SMPD4: variants seen among roughly 807,000 people sequenced by gnomAD.
SMPD4 encodes the protein neutral sphingomyelinase 3.
In SMPD4, 58 loss-of-function variants were observed where a neutral mutation model predicts 97.8. The ratio of observed to expected loss-of-function variants is 0.59; its 90% CI spans 0.48 to 0.74. SMPD4 has a LOEUF of 0.74. Ranked by LOEUF, SMPD4 falls within the 30% of genes least tolerant of loss-of-function variation. SMPD4 has a pLI of 0.00. For missense variants in SMPD4, 853 were observed against 1,080.5 expected (o/e 0.79, Z 2.95); for synonymous variants, 388 against 450.0 (o/e 0.86, Z 1.74).
intron 8 of SMPD4, among the ~76,000 whole-genome samples, chr2:130,170,927 G>A (rs1688395062): frequency 6.6e-6 from 1 of 151,872 alleles, no homozygotes; most frequent in Non-Finnish European, 1.5e-5. Flanking sequence ...CGGGCATGCT[G>A]ACCTGTGCCT....
intron 10 of SMPD4, among the ~76,000 whole-genome samples, chr2:130,162,715 T>C (rs1687547156): frequency 6.6e-6 from 1 of 152,214 alleles, no homozygotes; most frequent in Non-Finnish European, 1.5e-5. Context: ...GCAGTACGTG[T>C]AGCACAGGCC....
intron 11 of SMPD4, chr2:130,159,594 T>G (rs1407299256): frequency 4.7e-5 from 7 of 148,424 alleles, no homozygotes; most frequent in African/African-American, 1.8e-4. Context: ...GCCGAGACCA[T>G]GTCAATGCAT....
chr2:130,170,566 G>C (rs1445459169), intron 8 of SMPD4, among the ~76,000 whole-genome samples: 3 of 151,380 alleles, frequency 2.0e-5, no homozygotes, highest in East Asian at 3.9e-4. Flanking sequence ...AGGAGTTCTA[G>C]AGCAGCCTGG....
At position 130,172,872 on chromosome 2, in the gene SMPD4, CTG is replaced by C; in HGVS notation, c.367_368del (p.Gln123GlyfsTer6). On this transcript the variant is annotated frameshift_variant, in exon 6 of 20. Coordinates refer to ENST00000680298, the MANE Select transcript of SMPD4 (RefSeq NM_017951.5). LOFTEE classifies it high-confidence loss of function. ...GAGGACTGTCAGGGAGGATGCACTC[CTG>C]GATGGACGCCTTCACAGGACCCTGC... ...YLPGPVKASI[Q>X]ECILPDSPLY... The C allele has an allele frequency of 6.2e-7, 1 of 1,613,310 alleles. No homozygotes were observed. Among genetic ancestry groups the C allele is most frequent in the Non-Finnish European group, 8.5e-7 (1 of 1,179,592 alleles).
chr2:130,158,040 T>A, intron 11 of SMPD4: 2 of 414,304 alleles, frequency 4.8e-6, no homozygotes, highest in Non-Finnish European at 3.9e-6. Context: ...CTCAGGAGGC[T>A]AGGGTGGGAG....
rs773214075 is a variant in SMPD4 at position 130,153,379 on chromosome 2, T to C, written c.1965A>G (p.Gln655=). The change falls in exon 18 of 20, where the codon CAA becomes CAG. Residue 655 remains glutamine (Q), a synonymous_variant. Coordinates refer to ENST00000680298, the MANE Select transcript of SMPD4 (RefSeq NM_017951.5). ...GTTQDENGKK[Q]LPDCIVGEDG... The stretch of plus-strand genomic sequence containing the variant: ...CCTCACCCACGATGCAGTCGGGGAG[T>C]TGCTTTTTTCCATTCTCATCCTGGG... 2.5e-6 allele frequency: 4 copies of C among 1,613,420 alleles called. No homozygotes were observed. The highest frequency in any genetic ancestry group is 4.5e-5 in the East Asian group (2 of 44,874).
At chr2:130,181,025 G>A (rs889640195) in intron 1 of SMPD4, among the ~76,000 whole-genome samples, 3 of 152,100 alleles carry the variant, frequency 2.0e-5, no homozygotes, top group African/African-American at 4.8e-5. Context: ...ACAGCCCTTG[G>A]GCAACGCTAA....
At chr2:130,157,218 C>T (rs752209449) in intron 12 of SMPD4, 33 bp downstream of exon 12, 45 of 1,549,592 alleles carry the variant, frequency 2.9e-5, no homozygotes, top group Admixed American at 7.7e-5. Flanking sequence ...GTGGGGGAGA[C>T]GGCAGTGGTG....
chr2:130,153,862 C>T lies in SMPD4; in HGVS notation c.1733G>A (p.Ser578Asn). ...TGAGAGGAAGGAGTGGCCAGCCGGG[C>T]TCTCCGCACACTGGTCGGAGATGGA... Reference protein sequence around the residue: ...AKSISDQCAESPAGHSFLSWL... With the variant: ...AKSISDQCAENPAGHSFLSWL... The change falls in exon 17 of 20, where the codon AGC becomes AAC. Residue 578 changes from serine to asparagine, a missense_variant. Around this residue, in one of 3 missense-constraint regions of SMPD4, gnomAD observed 511 missense variants for 608.1 expected, o/e 0.84. Coordinates refer to ENST00000680298, the MANE Select transcript of SMPD4 (RefSeq NM_017951.5). The T allele has an allele frequency of 1.2e-6, 2 of 1,613,906 alleles. No individual in the cohort carries two copies. Among genetic ancestry groups the T allele is most frequent in the East Asian group, 2.2e-5 (1 of 44,870 alleles).
intron 11 of SMPD4, 73 bp from the exon 12 acceptor site, chr2:130,157,469 C>T (rs1686928597): frequency 1.6e-5 from 25 of 1,589,394 alleles, no homozygotes; most frequent in Non-Finnish European, 2.1e-5. Flanking sequence ...CAGGTCTGAC[C>T]ACATCCCGCC....
intron 11 of SMPD4, among the ~76,000 whole-genome samples, chr2:130,159,932 T>G (rs935714741): frequency 9.9e-5 from 15 of 152,148 alleles, no homozygotes; most frequent in African/African-American, 3.4e-4. Context: ...GGGCCCACTG[T>G]CCGCCCCTGC....
In SMPD4 at chr2:130,155,044, C is replaced by T. The variant is rs374796223; in HGVS notation, c.1453+52G>A. 8.8e-4 allele frequency: 1,405 copies of T among 1,603,298 alleles called. 1 individual carries two copies. The highest frequency in any genetic ancestry group is 1.1e-3 in the Non-Finnish European group (1,249 of 1,174,212). ...AGCCACCCCCAGCTAAGGGCCTGGC[C>T]CTGGTCTGGCTGGGTTGACGTATAC... On this transcript the variant is annotated intron_variant, in intron 15 of 19. Coordinates refer to ENST00000680298, the MANE Select transcript of SMPD4 (RefSeq NM_017951.5).
At chr2:130,157,069 G>A (rs1217503569) in intron 12 of SMPD4, among the ~76,000 whole-genome samples, 182 bp downstream of exon 12, 2 of 152,106 alleles carry the variant, frequency 1.3e-5, no homozygotes, top group Non-Finnish European at 2.9e-5. Context: ...GGCTCTGGGA[G>A]CCAACTGGGC....
chr2:130,169,799 G>A (rs1266181835), intron 8 of SMPD4, among the ~76,000 whole-genome samples: 6 of 151,900 alleles, frequency 3.9e-5, no homozygotes, highest in Admixed American at 6.6e-5. Flanking sequence ...TGATCCTCCC[G>A]CCTTGGCCTC....
Position 130,181,579 on chromosome 2 carries a change from G to A in SMPD4, c.-95C>T. The A allele has an allele frequency of 6.2e-7, 1 of 1,605,976 alleles. No homozygotes were observed. The highest frequency in any genetic ancestry group is 1.3e-5 in the African/African-American group (1 of 74,990). On this transcript the variant is annotated 5_prime_UTR_variant, in exon 1 of 20. Transcript: ENST00000680298. ...CCTCAGAGATGGAAGCCGCCATTCCGCCACGGCGCCGAAAGTCGTCATCAA... is the reference window on the plus strand; with the variant it reads ...CCTCAGAGATGGAAGCCGCCATTCCACCACGGCGCCGAAAGTCGTCATCAA...
rs186875769 is a variant in SMPD4, at chr2:130,167,064, G to A, written c.792+394C>T. ...CAATTTAGAATCAGCCCCGGGCTGA[G>A]GGGCCGCCTCTGGGACTCTGCCCCA... On this transcript the variant is annotated intron_variant, in intron 9 of 19. Transcript: ENST00000680298. Among the ~76,000 whole-genome samples the A allele has an allele frequency of 5.8e-4, 89 of 152,244 alleles. No individual in the cohort carries two copies. The East Asian group carries it at 0.016, about 27-fold the overall frequency.
intron 16 of SMPD4, 137 bp from the exon 17 acceptor site, chr2:130,154,072 G>A: frequency 9.2e-7 from 1 of 1,092,108 alleles, no homozygotes. Flanking sequence ...AAGACTAAAG[G>A]ATGATCTTCT....
At chr2:130,173,475 G>A (rs768458510) in intron 4 of SMPD4, 39 bp downstream of exon 4, 3 of 1,586,892 alleles carry the variant, frequency 1.9e-6, no homozygotes, top group Non-Finnish European at 2.6e-6. Flanking sequence ...ATCACCATGA[G>A]GAATCACCCA....
intron 7 of SMPD4, 59 bp downstream of exon 7, chr2:130,172,566 T>C: frequency 6.2e-7 from 1 of 1,613,724 alleles, no homozygotes; most frequent in Non-Finnish European, 8.5e-7. Flanking sequence ...CACCAACAAG[T>C]GCAGGGAAGC....
Sources: allele counts gnomAD v4.1 joint callset (sites outside exome capture counted in the v4.1 genomes callset), GRCh38; gene constraint gnomAD v4.1.1; regional missense constraint gnomAD v4.1.1; transcripts MANE v1.5; gene names NCBI Gene and HGNC (gene_info 2026-07-23, HGNC 2026-07-21).